Variants in PARD3B observed in about 807,000 individuals in gnomAD.
The protein encoded by PARD3B is par-3 family cell polarity regulator beta.
Under a neutral mutation model 130.2 loss-of-function variants are expected in PARD3B, and 103 were observed. That is an observed-to-expected ratio of 0.79 (90% CI 0.67 to 0.93). PARD3B has a LOEUF of 0.93. PARD3B is among the 40% of genes least tolerant of loss of function. The pLI is 0.00. For missense variants in PARD3B, 1,609 were observed against 1,499.2 expected, an observed-to-expected ratio of 1.07 and a Z score of -1.21; for synonymous variants, 583 against 553.2, an observed-to-expected ratio of 1.05 and a Z score of -0.76.
chr2:204,996,935 C>T (rs940396159), intron 3 of PARD3B, among the ~76,000 whole-genome samples: 24 of 152,070 alleles, frequency 1.6e-4, no homozygotes, highest in South Asian at 6.3e-4. Flanking sequence ...CGCCCTGCTT[C>T]GGCTCGCACA....
chr2:205,272,773 G>A (rs2040781913), intron 16 of PARD3B, among the ~76,000 whole-genome samples: 1 of 152,112 alleles, frequency 6.6e-6, no homozygotes, highest in Non-Finnish European at 1.5e-5. Context: ...CTTTTATTTG[G>A]AAAATAATAG....
chr2:205,123,256 G>T (rs1288984570), intron 8 of PARD3B, among the ~76,000 whole-genome samples: 1 of 152,156 alleles, frequency 6.6e-6, no homozygotes, highest in Non-Finnish European at 1.5e-5. Flanking sequence ...GATTCCTGAG[G>T]TTTTTCAGCC....
rs138507811 is a variant in PARD3B at position 204,646,812 on chromosome 2, A to G, written c.121-39369A>G. Among the ~76,000 whole-genome samples the G allele has an allele frequency of 1.2e-3, 188 of 152,108 alleles. 4 individuals are homozygous for G. The East Asian group carries it at 0.03, about 25-fold the overall frequency. On this transcript the variant is annotated intron_variant, in intron 1 of 22. Coordinates refer to ENST00000406610, the MANE Select transcript of PARD3B (RefSeq NM_001302769.2). ...AATGGGGTCACATCCTGATAAACCAATGGTAAGTTGAAAATATAGTAAGTA... is the reference window on the plus strand; with the variant it reads ...AATGGGGTCACATCCTGATAAACCAGTGGTAAGTTGAAAATATAGTAAGTA...
chr2:205,019,988 C>T (rs540045077), intron 3 of PARD3B, among the ~76,000 whole-genome samples: 3 of 151,996 alleles, frequency 2.0e-5, no homozygotes, highest in South Asian at 2.1e-4. Flanking sequence ...TGTGTAGCTA[C>T]CTCTCACACA....
chr2:204,902,422 C>A (rs1047781431), intron 2 of PARD3B, among the ~76,000 whole-genome samples: 1 of 152,056 alleles, frequency 6.6e-6, no homozygotes, highest in African/African-American at 2.4e-5. Flanking sequence ...GTTATCCCAG[C>A]ACTTTGGGAG....
At chr2:205,383,117 T>TAGATAGATAGAGAGAG (rs1553500368) in intron 18 of PARD3B, among the ~76,000 whole-genome samples, 1 of 149,826 alleles carries the variant, frequency 6.7e-6, no homozygotes, top group Non-Finnish European at 1.5e-5. Flanking sequence ...GATAGATAGA[T>TAGATAGATAGAGAGAG]AGATAGATAG....
intron 22 of PARD3B, among the ~76,000 whole-genome samples, chr2:205,581,257 T>TATAGATACAG (rs1553552260): frequency 8.3e-6 from 1 of 120,928 alleles, no homozygotes; most frequent in African/African-American, 3.3e-5. Context: ...TATAGATATA[T>TATAGATACAG]ATAGATATAG....
In PARD3B at chr2:205,615,807, C is replaced by T. The variant is rs189636489; in HGVS notation, c.3612C>T (p.Ala1204=). Reference sequence around the variant, plus strand: ...GGCAGAAGAACCCCATGACTGCAGCCGTATAGCTGAGTGCCACCGAGGCCA... The same window carrying T: ...GGCAGAAGAACCCCATGACTGCAGCTGTATAGCTGAGTGCCACCGAGGCCA... The part of the protein sequence containing the change: ...DSRQKNPMTA[A]V Residue 1204 remains alanine (A), a synonymous_variant, in exon 23 of 23, where the codon GCC becomes GCT. Transcript: ENST00000406610. 1.9e-4 allele frequency: 308 copies of T among 1,610,678 alleles called. No individual in the cohort carries two copies. Among genetic ancestry groups the T allele is most frequent in the East Asian group, 2.7e-4 (12 of 44,840 alleles).
intron 12 of PARD3B, among the ~76,000 whole-genome samples, chr2:205,175,016 G>A (rs916406540): frequency 6.6e-6 from 1 of 152,102 alleles, no homozygotes; most frequent in Admixed American, 6.6e-5. Context: ...TTCCCTCCCT[G>A]CTGCCAGCTC....
At position 205,401,002 on chromosome 2, in the gene PARD3B, C is replaced by T. The variant is rs766847528; in HGVS notation, c.2631-11C>T. 14 of 1,570,854 alleles carry T rather than the reference C, an allele frequency of 8.9e-6. No individual in the cohort carries two copies. In the African/African-American group the frequency reaches 1.1e-4, roughly 12 times the overall value. ...TTATTGTTAACAGCCTTCTCCTTCA[C>T]GTTTCACTAGATTTGGAAAGAAGAA... is the stretch of plus-strand genomic sequence containing the variant. On this transcript the variant is annotated splice_polypyrimidine_tract_variant and intron_variant, in intron 18 of 22. Coordinates refer to ENST00000406610, the MANE Select transcript of PARD3B (RefSeq NM_001302769.2).
intron 1 of PARD3B, among the ~76,000 whole-genome samples, chr2:204,670,186 G>C (rs575598800): frequency 4.3e-4 from 65 of 152,256 alleles, no homozygotes; most frequent in African/African-American, 1.5e-3. Context: ...TTTAAAGAAG[G>C]GTTGGCAAAG....
At chr2:204,564,930 T>C (rs778447099) in intron 1 of PARD3B, among the ~76,000 whole-genome samples, 9 of 152,232 alleles carry the variant, frequency 5.9e-5, no homozygotes, top group Non-Finnish European at 1.2e-4. Context: ...TATCACAGTT[T>C]CTATGGGTTA....
chr2:204,671,437 C>T (rs937437810), intron 1 of PARD3B, among the ~76,000 whole-genome samples: 1 of 152,142 alleles, frequency 6.6e-6, no homozygotes, highest in African/African-American at 2.4e-5. Context: ...CCCCCACCTT[C>T]GTCTACTTTT....
At chr2:204,698,866 C>T (rs533408972) in intron 2 of PARD3B, among the ~76,000 whole-genome samples, 3 of 152,074 alleles carry the variant, frequency 2.0e-5, no homozygotes, top group East Asian at 1.9e-4. Context: ...CTCAAAATGT[C>T]GCTTCAACTG....
intron 15 of PARD3B, among the ~76,000 whole-genome samples, chr2:205,228,532 C>T (rs13382936): frequency 0.028 from 4,257 of 152,044 alleles, 87 homozygotes; most frequent in East Asian, 0.086. Context: ...CTTTTGGGAT[C>T]CTTTCTGTAT....
intron 1 of PARD3B, among the ~76,000 whole-genome samples, chr2:204,608,209 A>G (rs190557961): frequency 2.0e-5 from 3 of 152,222 alleles, no homozygotes; most frequent in Non-Finnish European, 2.9e-5. Flanking sequence ...TGGATTTAAA[A>G]AAATATTTGC....
At chr2:205,395,719 G>C (rs1352649916) in intron 18 of PARD3B, among the ~76,000 whole-genome samples, 3 of 152,092 alleles carry the variant, frequency 2.0e-5, no homozygotes, top group Non-Finnish European at 4.4e-5. Flanking sequence ...ATTCCTGCAG[G>C]GATCCCCAGT....
chr2:204,961,454 A>G (rs1201500550), intron 2 of PARD3B, among the ~76,000 whole-genome samples: 1 of 152,126 alleles, frequency 6.6e-6, no homozygotes, highest in African/African-American at 2.4e-5. Context: ...ATTAATTGGG[A>G]TGTAAAGAGC....
At chr2:205,422,053 A>G (rs760170078) in intron 19 of PARD3B, among the ~76,000 whole-genome samples, 11 of 152,230 alleles carry the variant, frequency 7.2e-5, no homozygotes, top group Non-Finnish European at 1.5e-4. Context: ...ACAGATAAAT[A>G]AAAAAGATAA....
Sources: gnomAD v4.1 joint callset for allele counts (sites outside exome capture counted in the v4.1 genomes callset) on GRCh38, gnomAD v4.1.1 for gene constraint, MANE v1.5 for transcripts, NCBI Gene and HGNC (gene_info 2026-07-23, HGNC 2026-07-21) for gene names.